RPS6KA2: variants seen among roughly 807,000 people sequenced by gnomAD.
RPS6KA2 encodes ribosomal protein S6 kinase alpha-2.
In RPS6KA2, 42 loss-of-function variants were observed where a neutral mutation model predicts 91.8. The observed-to-expected ratio is 0.46, with a 90% confidence interval of 0.36 to 0.59. The LOEUF is 0.59. RPS6KA2 is among the 20% of genes least tolerant of loss of function. The probability of loss-of-function intolerance (pLI) is 0.00; values close to 1 mark genes in which losing one functional copy is unlikely to be tolerated. For synonymous variants in RPS6KA2, 414 were observed against 393.6 expected (o/e 1.05, Z -0.61); for missense variants, 798 against 978.5 (o/e 0.82, Z 2.46).
chr6:166,756,955 A>C (rs1376049518), intron 2 of RPS6KA2, among the ~76,000 whole-genome samples: 3 of 152,224 alleles, frequency 2.0e-5, no homozygotes, highest in Non-Finnish European at 2.9e-5. Flanking sequence ...GGGATGATGA[A>C]AACGTCGCGG....
chr6:166,474,877 G>T (rs1411422497), intron 10 of RPS6KA2, among the ~76,000 whole-genome samples: 1 of 152,088 alleles, frequency 6.6e-6, no homozygotes, highest in Non-Finnish European at 1.5e-5. Context: ...AAGCACAGAG[G>T]GACCAAATGT....
chr6:166,560,710 G>T (rs1784317656), intron 1 of RPS6KA2, among the ~76,000 whole-genome samples: 1 of 152,134 alleles, frequency 6.6e-6, no homozygotes, highest in Non-Finnish European at 1.5e-5. Context: ...AGGTGGAGGG[G>T]GTGGCCTGGG....
At chr6:166,455,451 C>T (rs1195675465) in intron 12 of RPS6KA2, among the ~76,000 whole-genome samples, 1 of 152,132 alleles carries the variant, frequency 6.6e-6, no homozygotes, top group Non-Finnish European at 1.5e-5. Context: ...CAAGAGGCAG[C>T]TAGAGCCAGG....
intron 2 of RPS6KA2, among the ~76,000 whole-genome samples, chr6:166,758,979 C>T (rs1336363897): frequency 2.0e-5 from 3 of 152,216 alleles, no homozygotes; most frequent in Non-Finnish European, 4.4e-5. Flanking sequence ...TCACCCATTT[C>T]GTGGCTTCCA....
chr6:166,479,156 T>C (rs1196710433), intron 10 of RPS6KA2, among the ~76,000 whole-genome samples: 1 of 152,204 alleles, frequency 6.6e-6, no homozygotes. Context: ...CTGCAGGCAT[T>C]TGTGCGCGTC....
At chr6:166,453,768 T>TA (rs1397328974) in intron 12 of RPS6KA2, among the ~76,000 whole-genome samples, 3 of 152,248 alleles carry the variant, frequency 2.0e-5, no homozygotes, top group Non-Finnish European at 2.9e-5. Flanking sequence ...ACTGCAGCAC[T>TA]ATTCACAATT....
upstream of RPS6KA2, among the ~76,000 whole-genome samples, chr6:166,631,848 G>A (rs1353152519): frequency 6.6e-6 from 1 of 152,196 alleles, no homozygotes; most frequent in Non-Finnish European, 1.5e-5. Context: ...GAGGCTGCGC[G>A]GCAAACGGAG....
rs1041310533 is a variant in RPS6KA2 at position 166,662,405 on chromosome 6, C to T, written c.124-123621G>A. On this transcript the variant is annotated intron_variant, in intron 2 of 21. Coordinates refer to the RPS6KA2 transcript ENST00000503859. The surrounding 1 kb of genome is among the most constrained non-coding windows in gnomAD (Gnocchi z 4.3). ...GGCGCAGGAGGTATGAAAACTTACTCCAAATTACAGACACTTTAGATATCT... is the reference window on the plus strand; with the variant it reads ...GGCGCAGGAGGTATGAAAACTTACTTCAAATTACAGACACTTTAGATATCT... 1.3e-5 allele frequency among the ~76,000 whole-genome samples: 2 copies of T among 152,154 alleles called. No homozygotes were observed. The highest frequency in any genetic ancestry group is 1.3e-4 in the Admixed American group (2 of 15,278).
At chr6:166,701,593 G>A (rs1383950947) in intron 2 of RPS6KA2, 39 of 1,339,824 alleles carry the variant, frequency 2.9e-5, no homozygotes, top group Middle Eastern at 4.1e-4. Flanking sequence ...TGATAGAGCC[G>A]GGATAAACAG....
At chr6:166,830,262 G>A (rs1780153165) in intron 2 of RPS6KA2, among the ~76,000 whole-genome samples, 1 of 152,188 alleles carries the variant, frequency 6.6e-6, no homozygotes, top group South Asian at 2.1e-4. Context: ...CAAATGCTGT[G>A]TGATTCTGCT....
chr6:166,701,700 T>TG (rs1789526740), intron 2 of RPS6KA2: 14 of 1,320,652 alleles, frequency 1.1e-5, no homozygotes, highest in Admixed American at 1.7e-5. Flanking sequence ...CTGAAGTGGG[T>TG]GGGAACAGAC....
intron 1 of RPS6KA2, among the ~76,000 whole-genome samples, chr6:166,859,898 A>G (rs764043185): frequency 1.5e-4 from 23 of 152,242 alleles, no homozygotes; most frequent in Admixed American, 2.6e-4. Context: ...AAATCACTAA[A>G]AAATAAGCAC....
At chr6:166,702,587 T>G (rs557285640) in intron 2 of RPS6KA2, 1 of 1,498,140 alleles carries the variant, frequency 6.7e-7, no homozygotes, top group African/African-American at 1.4e-5. Flanking sequence ...ATATTTCGTA[T>G]CTGAAGTTTC....
intron 12 of RPS6KA2, among the ~76,000 whole-genome samples, chr6:166,456,529 C>T (rs767579435): frequency 6.6e-6 from 1 of 152,180 alleles, no homozygotes. Context: ...CTCTAGGGGG[C>T]AGCCAAGGTG....
At chr6:166,513,915 C>A (rs1264739579) in intron 3 of RPS6KA2, among the ~76,000 whole-genome samples, 1 of 152,162 alleles carries the variant, frequency 6.6e-6, no homozygotes, top group Non-Finnish European at 1.5e-5. Flanking sequence ...TCATTGTGTG[C>A]AAACATTTTC....
intron 12 of RPS6KA2, among the ~76,000 whole-genome samples, chr6:166,454,688 A>C (rs6936648): frequency 0.4 from 61,488 of 151,890 alleles, 12,535 homozygotes; most frequent in African/African-American, 0.47. Context: ...TAATGATTGC[A>C]GTGTGAGTCC....
intron 7 of RPS6KA2, among the ~76,000 whole-genome samples, chr6:166,499,107 G>A (rs758045800): frequency 1.4e-4 from 21 of 152,188 alleles, no homozygotes; most frequent in Admixed American, 3.3e-4. Context: ...GCCCTGCCCC[G>A]ACAACACGAG....
intron 1 of RPS6KA2, among the ~76,000 whole-genome samples, chr6:166,623,800 C>T (rs1397712086): frequency 2.6e-5 from 4 of 152,190 alleles, no homozygotes. Context: ...CCTCTAGAAA[C>T]CCCCAAAATT....
intron 2 of RPS6KA2, among the ~76,000 whole-genome samples, chr6:166,834,029 T>C (rs1780254065): frequency 1.3e-5 from 2 of 152,168 alleles, no homozygotes; most frequent in Admixed American, 1.3e-4. Flanking sequence ...TCACCATGCC[T>C]GTCCCCTTTT....
Sources: allele counts gnomAD v4.1 joint callset (sites outside exome capture counted in the v4.1 genomes callset), GRCh38; gene constraint gnomAD v4.1.1; non-coding constraint Gnocchi (gnomAD v3.1); transcripts MANE v1.5; gene names NCBI Gene and HGNC (gene_info 2026-07-23, HGNC 2026-07-21).